FBXL2: variants seen among roughly 807,000 people sequenced by gnomAD.
FBXL2 encodes the protein F-box and leucine rich repeat protein 2, also known as F-box/LRR-repeat protein 2.
In FBXL2, 38 loss-of-function variants were observed where a neutral mutation model predicts 69.2. The observed-to-expected ratio is 0.55, with a 90% CI of 0.42 to 0.72. The LOEUF (loss-of-function observed/expected upper bound fraction) is 0.72, where lower values mean the gene tolerates loss of function less well. Ranked by LOEUF, FBXL2 falls within the 30% of genes least tolerant of loss-of-function variation. The pLI is 0.00. For synonymous variants in FBXL2, 192 were observed against 201.3 expected, an observed-to-expected ratio of 0.95 and a Z score of 0.39; for missense variants, 354 against 520.3, an observed-to-expected ratio of 0.68 and a Z score of 3.11.
Position 33,384,143 on chromosome 3 carries a change from A to G in FBXL2, c.1106A>G (p.Glu369Gly). The G allele has an allele frequency of 9.9e-6, 16 of 1,614,122 alleles. No homozygotes were observed. The highest frequency in any genetic ancestry group is 1.4e-5 in the Non-Finnish European group (16 of 1,180,018). ...LEHLENCRGL[E>G]RLELYDCQQV... ...CACCTAGAGAACTGCCGAGGCCTGG[A>G]GCGCCTCGAGCTGTACGACTGCCAG... The change falls in exon 14 of 15, where the codon GAG (glutamate) becomes GGG (glycine). Residue 369 changes from glutamate (E) to glycine (G), a missense_variant. By Grantham distance (98) the Glu-to-Gly change is moderately conservative. Transcript: ENST00000484457.
At position 33,385,487 on chromosome 3, in the gene FBXL2, C is replaced by A. The variant is rs367586411; in HGVS notation, c.1165-14C>A. On this transcript the variant is annotated splice_polypyrimidine_tract_variant and intron_variant, in intron 14 of 14. Transcript: ENST00000484457. Reference sequence around the variant, plus strand: ...TAATGTGTAAAGACTCCACTTTTTTCTTCATCCTTCCAGGCTCAGCTCCCT... The same window carrying A: ...TAATGTGTAAAGACTCCACTTTTTTATTCATCCTTCCAGGCTCAGCTCCCT... 11 of 1,610,340 alleles carry A rather than the reference C, an allele frequency of 6.8e-6. No homozygotes were observed. The African/African-American group carries it at 1.5e-4, about 22-fold the overall frequency.
In FBXL2 at chr3:33,312,237, T is replaced by C. The variant is rs370230792; in HGVS notation, c.65+14512T>C. ...ACACCTGGCTAATTTTTAAATTTTT[T>C]TGTAGAGACAGGGTCTCATCATATT... On this transcript the variant is annotated intron_variant, in intron 2 of 14. Coordinates refer to ENST00000484457, the MANE Select transcript of FBXL2 (RefSeq NM_012157.5). 3.2e-4 allele frequency among the ~76,000 whole-genome samples: 48 copies of C among 152,050 alleles called. 1 individual carries two copies. Among genetic ancestry groups the C allele is most frequent in the African/African-American group, 1.1e-3 (45 of 41,476 alleles).
At chr3:33,326,482 G>A (rs1164585995) in intron 2 of FBXL2, among the ~76,000 whole-genome samples, 1 of 150,994 alleles carries the variant, frequency 6.6e-6, no homozygotes, top group African/African-American at 2.4e-5. Flanking sequence ...CTCCAGCCTG[G>A]GCCACAGAGC....
At chr3:33,403,176 A>C (rs996526267) in intron 12 of FBXL2, 1 of 352,306 alleles carries the variant, frequency 2.8e-6, no homozygotes, top group African/African-American at 2.2e-5. Flanking sequence ...ATATATGCTT[A>C]AGTATAATTG....
intron 12 of FBXL2, chr3:33,393,206 T>C: frequency 8.5e-7 from 1 of 1,172,378 alleles, no homozygotes; most frequent in Admixed American, 3.0e-5. Flanking sequence ...AAAATGATTC[T>C]CATAAGTATT....
intron 1 of FBXL2, among the ~76,000 whole-genome samples, chr3:33,288,054 C>G (rs889926919): frequency 6.6e-6 from 1 of 152,174 alleles, no homozygotes; most frequent in Non-Finnish European, 1.5e-5. Context: ...TCACTGCTAT[C>G]CTGTGTAGTG....
rs750600270 is a variant in FBXL2 at position 33,373,940 on chromosome 3, C to T, written c.657+19C>T. The T allele has an allele frequency of 3.1e-6, 5 of 1,612,784 alleles. 1 individual carries two copies. The highest frequency in any genetic ancestry group is 2.2e-5 in the East Asian group (1 of 44,874). ...CTGCTCAGTAAGTAGCGTGCCTTTC[C>T]TGAACACTGTTTGCTCTATCTTGTC... is the stretch of plus-strand genomic sequence containing the variant. On this transcript the variant is annotated intron_variant, in intron 9 of 14. Transcript: ENST00000484457.
At position 33,369,681 on chromosome 3, in the gene FBXL2, A is replaced by G. The variant is rs148234124; in HGVS notation, c.291-3411A>G. Among the ~76,000 whole-genome samples the G allele has an allele frequency of 5.9e-3, 902 of 152,094 alleles. 13 individuals carry two copies. The highest frequency in any genetic ancestry group is 0.037 in the Middle Eastern group (11 of 294). ...AGGCTGGAGTGCAGTACCATGGTCTAGGCTCAGTGCAACGTCTGCCTCCCA... is the reference window on the plus strand; with the variant it reads ...AGGCTGGAGTGCAGTACCATGGTCTGGGCTCAGTGCAACGTCTGCCTCCCA... On this transcript the variant is annotated intron_variant, in intron 5 of 14. Coordinates refer to ENST00000484457, the MANE Select transcript of FBXL2 (RefSeq NM_012157.5).
intron 12 of FBXL2, chr3:33,400,431 G>C (rs1474051570): frequency 3.6e-6 from 2 of 555,476 alleles, no homozygotes; most frequent in African/African-American, 4.0e-5. Context: ...GCAGGCCCTT[G>C]TCAGAAACTT....
intron 1 of FBXL2, among the ~76,000 whole-genome samples, chr3:33,278,658 A>G (rs879742172): frequency 2.6e-5 from 4 of 152,268 alleles, no homozygotes; most frequent in Non-Finnish European, 2.9e-5. Flanking sequence ...TGGAAAAGCA[A>G]CTTCCAAATG....
At chr3:33,286,965 TC>T (rs998734697) in intron 1 of FBXL2, among the ~76,000 whole-genome samples, 1 of 152,152 alleles carries the variant, frequency 6.6e-6, no homozygotes, top group African/African-American at 2.4e-5. Flanking sequence ...GAGAGGGAAC[TC>T]CCCGACCCCT....
the FBXL2 span, chr3:33,411,777 CTG>C: frequency 9.7e-7 from 1 of 1,034,464 alleles, no homozygotes; most frequent in Non-Finnish European, 1.5e-6. Flanking sequence ...AATGAAATAA[CTG>C]TAACTGCTTT....
At chr3:33,409,607 A>C in the FBXL2 span, 1 of 1,614,112 alleles carries the variant, frequency 6.2e-7, no homozygotes, top group Non-Finnish European at 8.5e-7. Flanking sequence ...TGTACCTATA[A>C]AACGATTCAG....
At chr3:33,305,920 T>C (rs2125743784) in intron 2 of FBXL2, among the ~76,000 whole-genome samples, 1 of 152,130 alleles carries the variant, frequency 6.6e-6, no homozygotes, top group Non-Finnish European at 1.5e-5. Flanking sequence ...TATGCTCAAG[T>C]GTTCCCTCCT....
the FBXL2 span, among the ~76,000 whole-genome samples, chr3:33,419,706 A>G: frequency 6.6e-6 from 1 of 152,114 alleles, no homozygotes. Context: ...CCTATTGGAA[A>G]CTATTATATT....
At chr3:33,363,371 A>G (rs1265762782) in intron 4 of FBXL2, among the ~76,000 whole-genome samples, 1 of 152,216 alleles carries the variant, frequency 6.6e-6, no homozygotes, top group Non-Finnish European at 1.5e-5. Context: ...TGGTGAATTC[A>G]TCATGCTTAC....
At chr3:33,390,199 A>G, downstream of FBXL2, 1 of 871,276 alleles carries the variant, frequency 1.1e-6, no homozygotes. Flanking sequence ...CTCATTAGAA[A>G]GGTCATCTTG....
intron 4 of FBXL2, among the ~76,000 whole-genome samples, chr3:33,364,096 C>T (rs2041805034): frequency 6.6e-6 from 1 of 152,240 alleles, no homozygotes; most frequent in South Asian, 2.1e-4. Flanking sequence ...CAGTACTCAA[C>T]AAAAGTTCCT....
chr3:33,299,895 T>C (rs558244113), intron 2 of FBXL2, among the ~76,000 whole-genome samples: 1 of 152,282 alleles, frequency 6.6e-6, no homozygotes, highest in East Asian at 1.9e-4. Flanking sequence ...GCACAGTAAG[T>C]TGTTAGAAGC....
Sources: allele counts gnomAD v4.1 joint callset (sites outside exome capture counted in the v4.1 genomes callset), GRCh38; gene constraint gnomAD v4.1.1; transcripts MANE v1.5; gene names NCBI Gene and HGNC (gene_info 2026-07-23, HGNC 2026-07-21).